Variants in CHODL observed in about 807,000 individuals in gnomAD.
CHODL encodes transmembrane protein MT75.
CHODL carries 29 observed loss-of-function variants against 34.5 expected under a neutral mutation model. The ratio of observed to expected loss-of-function variants is 0.84; its 90% CI spans 0.63 to 1.15. The LOEUF (loss-of-function observed/expected upper bound fraction) is 1.15, where lower values mean the gene tolerates loss of function less well. Ranked by LOEUF, CHODL falls within the 50% of genes most tolerant of loss-of-function variation. The probability of loss-of-function intolerance (pLI) is 0.00; values close to 1 mark genes in which losing one functional copy is unlikely to be tolerated. For synonymous variants in CHODL, 125 were observed against 116.1 expected, an observed-to-expected ratio of 1.08 and a Z score of -0.49; for missense variants, 332 against 332.5, an observed-to-expected ratio of 1.00 and a Z score of 0.01.
chr21:18,085,263 G>A (rs1051341995), intron 2 of CHODL, among the ~76,000 whole-genome samples: 1 of 152,010 alleles, frequency 6.6e-6, no homozygotes, highest in Non-Finnish European at 1.5e-5. Context: ...TTTAAGTGGA[G>A]AATTTAATCC....
At chr21:18,247,432 T>C (rs1204023469) in intron 1 of CHODL, among the ~76,000 whole-genome samples, 1 of 152,160 alleles carries the variant, frequency 6.6e-6, no homozygotes, top group Non-Finnish European at 1.5e-5. Flanking sequence ...AAAATAATTC[T>C]CCACATAAAT....
At chr21:18,244,222 A>C (rs1262288746), upstream of CHODL, among the ~76,000 whole-genome samples, 1 of 152,260 alleles carries the variant, frequency 6.6e-6, no homozygotes, top group African/African-American at 2.4e-5. Flanking sequence ...CAGAATGCCT[A>C]CTTTGTGTTG....
chr21:18,261,026 G>GA (rs2074375905), intron 4 of CHODL, among the ~76,000 whole-genome samples: 1 of 152,092 alleles, frequency 6.6e-6, no homozygotes, highest in Non-Finnish European at 1.5e-5. Flanking sequence ...GGAGTGGGAG[G>GA]AAACAGCAAA....
At chr21:18,254,156 A>G (rs2074289133) in intron 1 of CHODL, among the ~76,000 whole-genome samples, 2 of 151,002 alleles carry the variant, frequency 1.3e-5, no homozygotes, top group African/African-American at 4.9e-5. Context: ...GCCAGTATTT[A>G]AATACAAGAA....
chr21:17,983,295 A>G (rs2063728950), intron 1 of CHODL, among the ~76,000 whole-genome samples: 2 of 152,222 alleles, frequency 1.3e-5, no homozygotes, highest in Admixed American at 6.5e-5. Flanking sequence ...CTATTTTTAG[A>G]GCATTTACAT....
chr21:18,234,657 T>G (rs2074012816), intron 2 of CHODL, among the ~76,000 whole-genome samples: 1 of 151,982 alleles, frequency 6.6e-6, no homozygotes, highest in Admixed American at 6.6e-5. Context: ...AGGCTGCTGA[T>G]GTATGGGCAC....
chr21:18,257,009 G>C lies in CHODL; in HGVS notation c.429G>C (p.Lys143Asn), dbSNP rs1162442884. Reference protein sequence around the residue: ...YTDEPSCGSEKCVVMYHQPTA... With the variant: ...YTDEPSCGSENCVVMYHQPTA... Reference sequence around the variant, plus strand: ...ATGAACCTTCCTGCGGAAGTGAAAAGTGTGTTGTGATGTATCACCAACCAA... The same window carrying C: ...ATGAACCTTCCTGCGGAAGTGAAAACTGTGTTGTGATGTATCACCAACCAA... The change falls in exon 3 of 6, where the codon AAG becomes AAC. Residue 143 changes from lysine (K) to asparagine (N), a missense_variant. By Grantham distance (94) the Lys-to-Asn change is moderately conservative. Transcript: ENST00000299295. 9 of 1,613,874 alleles carry C rather than the reference G, an allele frequency of 5.6e-6. No individual in the cohort carries two copies. The highest frequency in any genetic ancestry group is 7.6e-6 in the Non-Finnish European group (9 of 1,179,906).
At chr21:17,944,591 G>A (rs1409218463) in intron 1 of CHODL, among the ~76,000 whole-genome samples, 1 of 152,178 alleles carries the variant, frequency 6.6e-6, no homozygotes, top group African/African-American at 2.4e-5. Flanking sequence ...CTGCAGCCAT[G>A]CCCAACTGCA....
chr21:17,961,356 A>G (rs1455998995), intron 1 of CHODL, among the ~76,000 whole-genome samples: 1 of 152,216 alleles, frequency 6.6e-6, no homozygotes, highest in Non-Finnish European at 1.5e-5. Flanking sequence ...GTCAATGATC[A>G]GTTTTGAAAG....
intron 2 of CHODL, among the ~76,000 whole-genome samples, chr21:18,183,410 G>A (rs893722489): frequency 6.6e-6 from 1 of 152,168 alleles, no homozygotes; most frequent in Non-Finnish European, 1.5e-5. Flanking sequence ...TGTCATCTAA[G>A]TGCCTCTGCA....
chr21:17,958,391 A>G (rs1474045929), intron 1 of CHODL, among the ~76,000 whole-genome samples: 1 of 152,178 alleles, frequency 6.6e-6, no homozygotes, highest in East Asian at 1.9e-4. Flanking sequence ...CCATTGCCAA[A>G]AAAGAAGTGG....
intron 1 of CHODL, among the ~76,000 whole-genome samples, chr21:17,917,876 C>CATGTGT (rs1568796830): frequency 1.3e-4 from 19 of 150,706 alleles, no homozygotes; most frequent in Non-Finnish European, 7.4e-5. Context: ...CTCTGATATG[C>CATGTGT]GTGTGTGTGT....
At chr21:18,057,689 A>G (rs1273061651) in intron 2 of CHODL, among the ~76,000 whole-genome samples, 1 of 151,960 alleles carries the variant, frequency 6.6e-6, no homozygotes, top group African/African-American at 2.4e-5. Flanking sequence ...AGCTTCCTCC[A>G]TTAAAAAAAA....
At chr21:18,233,969 C>T (rs1459246847) in intron 2 of CHODL, among the ~76,000 whole-genome samples, 1 of 151,928 alleles carries the variant, frequency 6.6e-6, no homozygotes, top group Non-Finnish European at 1.5e-5. Context: ...AATGATATTC[C>T]AGATTATATT....
intron 2 of CHODL, among the ~76,000 whole-genome samples, chr21:18,222,269 T>C (rs2073891768): frequency 6.6e-6 from 1 of 152,094 alleles, no homozygotes; most frequent in Non-Finnish European, 1.5e-5. Flanking sequence ...GCTCAGGTGC[T>C]GGTGGTGTGG....
chr21:18,219,345 G>C lies in CHODL; in HGVS notation c.-44-37164G>C, dbSNP rs545702776. 1.4e-4 allele frequency among the ~76,000 whole-genome samples: 21 copies of C among 152,234 alleles called. No individual in the cohort carries two copies. The East Asian group carries it at 2.9e-3, about 21-fold the overall frequency. ...CTTGTAAAACCATCAGATCTCAAGAGAGCTCACTCACTATCAGGAGAACAG... is the reference window on the plus strand; with the variant it reads ...CTTGTAAAACCATCAGATCTCAAGACAGCTCACTCACTATCAGGAGAACAG... On this transcript the variant is annotated intron_variant, in intron 2 of 6. Coordinates refer to the CHODL transcript ENST00000400127.
chr21:18,065,413 G>A lies in CHODL; in HGVS notation c.-45+37442G>A, dbSNP rs546016857. 6.6e-5 allele frequency among the ~76,000 whole-genome samples: 10 copies of A among 152,250 alleles called. No homozygotes were observed. In the South Asian group the frequency reaches 1.0e-3, roughly 16 times the overall value. ...AAATGAGTGCATAAAATACATGCTC[G>A]TCTGTGATTAACGGAATGCACATAG... On this transcript the variant is annotated intron_variant, in intron 2 of 6. Transcript: ENST00000400127.
At chr21:18,200,760 T>C (rs2073641989) in intron 2 of CHODL, among the ~76,000 whole-genome samples, 1 of 152,176 alleles carries the variant, frequency 6.6e-6, no homozygotes, top group Admixed American at 6.5e-5. Flanking sequence ...GAAATTTAAT[T>C]AGTTAAGCAT....
intron 3 of CHODL, among the ~76,000 whole-genome samples, chr21:18,257,806 A>G (rs2074335461): frequency 6.6e-6 from 1 of 152,230 alleles, no homozygotes; most frequent in Admixed American, 6.5e-5. Context: ...GATTTAAAAA[A>G]TAGTCCATTT....
Sources: gnomAD v4.1 joint callset for allele counts (sites outside exome capture counted in the v4.1 genomes callset) on GRCh38, gnomAD v4.1.1 for gene constraint, MANE v1.5 for transcripts, NCBI Gene and HGNC (gene_info 2026-07-23, HGNC 2026-07-21) for gene names.